The following ADAMTSL1 variants were observed in gnomAD, a reference collection of about 807,000 sequenced individuals.
The protein encoded by ADAMTSL1 is ADAMTS like 1.
Under a neutral mutation model 201.8 loss-of-function variants are expected in ADAMTSL1, and 126 were observed. That is an observed-to-expected ratio of 0.62 (90% CI 0.54 to 0.72). The LOEUF is 0.72. Among genes scored for constraint, ADAMTSL1 ranks in the 30% least tolerant of loss-of-function variants. ADAMTSL1 has a pLI of 0.00. For synonymous variants in ADAMTSL1, 1,121 were observed against 903.4 expected (o/e 1.24, Z -4.32); for missense variants, 2,679 against 2,277.8 (o/e 1.18, Z -3.59).
chr9:18,842,412 A>T (rs1420285990), intron 23 of ADAMTSL1, among the ~76,000 whole-genome samples: 2 of 152,118 alleles, frequency 1.3e-5, no homozygotes, highest in African/African-American at 2.4e-5. Flanking sequence ...ACAGTTTGTT[A>T]TAATTTCTGT....
chr9:18,119,336 A>G (rs1018333129), intron 1 of ADAMTSL1, among the ~76,000 whole-genome samples: 2 of 151,950 alleles, frequency 1.3e-5, no homozygotes, highest in African/African-American at 4.8e-5. Context: ...TCTGCCACCC[A>G]GGCTGGAGTA....
At chr9:18,622,503 C>A in intron 5 of ADAMTSL1, 134 bp downstream of exon 5, 1 of 1,304,522 alleles carries the variant, frequency 7.7e-7, no homozygotes, top group African/African-American at 1.5e-5. Context: ...TAGAAGGCTT[C>A]ATGCTCTGGC....
At chr9:17,938,639 G>C (rs1827108373) in intron 1 of ADAMTSL1, among the ~76,000 whole-genome samples, 1 of 152,120 alleles carries the variant, frequency 6.6e-6, no homozygotes, top group Non-Finnish European at 1.5e-5. Context: ...CTGGATATCA[G>C]GAAAGCCCCC....
At chr9:18,291,492 C>T (rs1007988384) in intron 2 of ADAMTSL1, among the ~76,000 whole-genome samples, 1 of 152,130 alleles carries the variant, frequency 6.6e-6, no homozygotes, top group African/African-American at 2.4e-5. Flanking sequence ...CTGTCCTCCT[C>T]AACTTACTGT....
At chr9:17,912,929 T>G (rs1018744145) in intron 1 of ADAMTSL1, among the ~76,000 whole-genome samples, 33 of 152,270 alleles carry the variant, frequency 2.2e-4, no homozygotes, top group African/African-American at 6.5e-4. Context: ...CCAGCACCAT[T>G]TATTAAGTAG....
chr9:18,890,113 C>T (rs1055838123), intron 25 of ADAMTSL1, among the ~76,000 whole-genome samples: 21 of 152,268 alleles, frequency 1.4e-4, no homozygotes, highest in African/African-American at 4.3e-4. Flanking sequence ...TCTTTTCAAT[C>T]GAAGGGCTGA....
At chr9:18,244,087 TTGTGTGTGTGTGTGTGTGTGTGTACG>T (rs1563831434) in intron 2 of ADAMTSL1, among the ~76,000 whole-genome samples, 1 of 149,688 alleles carries the variant, frequency 6.7e-6, no homozygotes, top group Non-Finnish European at 1.5e-5. Flanking sequence ...AGAAATGATT[TTGTGTGTGTGTGTGTGTGTGTGTACG>T]TGTGTGTGTG....
intron 15 of ADAMTSL1, among the ~76,000 whole-genome samples, chr9:18,727,102 A>G (rs993197025): frequency 2.6e-5 from 4 of 152,338 alleles, no homozygotes; most frequent in African/African-American, 7.2e-5. Context: ...GCAGCAAATG[A>G]TTTCCAATTT....
In ADAMTSL1 at chr9:18,148,770, C is replaced by T. The variant is rs1035868376; in HGVS notation, c.88-15092C>T. 6.6e-5 allele frequency among the ~76,000 whole-genome samples: 10 copies of T among 151,972 alleles called. No homozygotes were observed. In the South Asian group the frequency reaches 1.5e-3, roughly 22 times the overall value. Reference sequence around the variant, plus strand: ...ACATTTGGTAATATACTCAGGGGCACATTTAAACAAAAAGAGTTTGGTGAA... The same window carrying T: ...ACATTTGGTAATATACTCAGGGGCATATTTAAACAAAAAGAGTTTGGTGAA... On this transcript the variant is annotated intron_variant, in intron 1 of 29. Transcript: ENST00000680146.
chr9:18,841,217 A>C (rs1825696717), intron 23 of ADAMTSL1, among the ~76,000 whole-genome samples: 1 of 152,162 alleles, frequency 6.6e-6, no homozygotes, highest in African/African-American at 2.4e-5. Context: ...TCCCATTAAT[A>C]CCTAATTTAT....
At chr9:18,830,424 G>A (rs562043279) in intron 23 of ADAMTSL1, among the ~76,000 whole-genome samples, 1 of 152,252 alleles carries the variant, frequency 6.6e-6, no homozygotes, top group East Asian at 1.9e-4. Flanking sequence ...CCCTCCAAAA[G>A]GAAGACTATA....
At chr9:18,308,852 C>T (rs1834008323) in intron 2 of ADAMTSL1, among the ~76,000 whole-genome samples, 2 of 152,154 alleles carry the variant, frequency 1.3e-5, no homozygotes, top group African/African-American at 4.8e-5. Flanking sequence ...CGGCATCATC[C>T]TGAAACCAAA....
At chr9:18,813,070 T>C (rs537949291) in intron 20 of ADAMTSL1, among the ~76,000 whole-genome samples, 1 of 151,088 alleles carries the variant, frequency 6.6e-6, no homozygotes. Context: ...TTGGTTCAAG[T>C]GATTCTCCTG....
intron 2 of ADAMTSL1, among the ~76,000 whole-genome samples, chr9:18,300,831 G>T (rs1007117657): frequency 1.4e-4 from 22 of 152,138 alleles, no homozygotes; most frequent in African/African-American, 5.3e-4. Context: ...GCAGAAATGT[G>T]CAGGGCTCCA....
intron 2 of ADAMTSL1, among the ~76,000 whole-genome samples, chr9:18,292,303 G>T (rs917076862): frequency 2.0e-5 from 3 of 152,102 alleles, no homozygotes; most frequent in Non-Finnish European, 4.4e-5. Context: ...AGAGGCCTTG[G>T]CCAGCTTGCC....
At chr9:18,250,968 G>C (rs1158708502) in intron 2 of ADAMTSL1, among the ~76,000 whole-genome samples, 1 of 152,060 alleles carries the variant, frequency 6.6e-6, no homozygotes, top group Non-Finnish European at 1.5e-5. Flanking sequence ...GATCCTGATG[G>C]GGAGCCCATG....
At chr9:18,623,512 G>A (rs534325674) in intron 5 of ADAMTSL1, among the ~76,000 whole-genome samples, 2 of 152,124 alleles carry the variant, frequency 1.3e-5, no homozygotes, top group African/African-American at 2.4e-5. Flanking sequence ...AGTCTCTGTG[G>A]TGGGACATTT....
chr9:18,730,560 C>G (rs1818155418), intron 15 of ADAMTSL1, among the ~76,000 whole-genome samples: 1 of 152,218 alleles, frequency 6.6e-6, no homozygotes, highest in African/African-American at 2.4e-5. Flanking sequence ...TCATTCATGT[C>G]TTTTCCATTC....
At chr9:18,210,778 T>A (rs1829840280) in intron 2 of ADAMTSL1, among the ~76,000 whole-genome samples, 2 of 151,542 alleles carry the variant, frequency 1.3e-5, no homozygotes, top group South Asian at 4.2e-4. Context: ...TTTTTGCCTA[T>A]CTTAAAGTCT....
Sources: gnomAD v4.1 joint callset for allele counts (sites outside exome capture counted in the v4.1 genomes callset) on GRCh38, gnomAD v4.1.1 for gene constraint, MANE v1.5 for transcripts, NCBI Gene and HGNC (gene_info 2026-07-23, HGNC 2026-07-21) for gene names.